Variants in RCN2 observed in about 807,000 individuals in gnomAD.
The protein encoded by RCN2 is reticulocalbin-2.
RCN2 carries 23 observed loss-of-function variants against 37.5 expected under a neutral mutation model. That is an observed-to-expected ratio of 0.61 (90% CI 0.44 to 0.87). RCN2 has a LOEUF of 0.87. Among genes scored for constraint, RCN2 ranks in the 40% least tolerant of loss-of-function variants. The pLI, the probability that RCN2 is intolerant of heterozygous loss-of-function variation, is 0.00. For synonymous variants in RCN2, 140 were observed against 144.6 expected, an observed-to-expected ratio of 0.97 and a Z score of 0.23; for missense variants, 381 against 390.4, an observed-to-expected ratio of 0.98 and a Z score of 0.20.
In RCN2 at chr15:76,950,999, C is replaced by G. The variant is rs976276694; in HGVS notation, c.*1777C>G. The G allele has an allele frequency of 3.3e-5, 5 of 152,184 alleles. No individual in the cohort carries two copies. Among genetic ancestry groups the G allele is most frequent in the Admixed American group, 6.5e-5 (1 of 15,282 alleles). 9.4% of individuals were successfully genotyped at this position (152,184 alleles called of 1,614,324 possible). ...ACCTACACTATATGTCTGGCTATAG[C>G]AGTTTTAGAATTACAGATTTACCAC... On this transcript the variant is annotated 3_prime_UTR_variant, in exon 7 of 7. Transcript: ENST00000394885.
chr15:76,940,056 A>G (rs893927169), intron 3 of RCN2, among the ~76,000 whole-genome samples: 1 of 152,210 alleles, frequency 6.6e-6, no homozygotes, highest in Non-Finnish European at 1.5e-5. Flanking sequence ...TTAACAGCCT[A>G]AAGGAATAGA....
At chr15:76,941,355 T>C (rs1479043452) in intron 3 of RCN2, 3 of 246,120 alleles carry the variant, frequency 1.2e-5, no homozygotes, top group East Asian at 7.7e-5. Context: ...ATGTAAGATA[T>C]AACCTTGCAT....
rs763711301 is a variant in RCN2, at chr15:76,947,555, T to C, written c.658+38T>C. 11 of 1,305,890 alleles carry C rather than the reference T, an allele frequency of 8.4e-6. No individual in the cohort carries two copies. In the African/African-American group the frequency reaches 1.2e-4, roughly 14 times the overall value. The allele number at this position is 1,305,890 out of a possible 1,614,324, so 80.9% of individuals were successfully genotyped here. A position where few individuals can be genotyped will look rare whatever the true frequency, so the allele number is the denominator to read the frequency against. On this transcript the variant is annotated intron_variant, in intron 5 of 6. Coordinates refer to ENST00000394885, the MANE Select transcript of RCN2 (RefSeq NM_002902.3). The stretch of plus-strand genomic sequence containing the variant: ...GGAGAATGTGAAAAGAGAAAAGGAA[T>C]TGAAGAAAGACATTGAAAGACAGCC...
At chr15:76,932,261 C>T in intron 1 of RCN2, 100 bp from the exon 2 acceptor site, 3 of 954,996 alleles carry the variant, frequency 3.1e-6, no homozygotes, top group South Asian at 1.4e-5. Context: ...CACCCCGAAA[C>T]CCTTTGGCAA....
chr15:76,941,441 T>G, intron 3 of RCN2: 2 of 418,024 alleles, frequency 4.8e-6, no homozygotes, highest in Non-Finnish European at 8.5e-6. Flanking sequence ...TGTAGAATCA[T>G]TAGTCTACCA....
chr15:76,943,956 G>T, intron 4 of RCN2, 85 bp downstream of exon 4: 1 of 481,530 alleles, frequency 2.1e-6, no homozygotes, highest in Non-Finnish European at 3.8e-6. Flanking sequence ...GTACATAGTA[G>T]GTATATATGT....
chr15:76,935,298 A>G (rs1156809417), intron 2 of RCN2, among the ~76,000 whole-genome samples: 2 of 152,196 alleles, frequency 1.3e-5, no homozygotes, highest in East Asian at 1.9e-4. Context: ...ACACTCCAGC[A>G]TGGGTGAAAG....
At chr15:76,941,547 C>T in intron 3 of RCN2, 3 of 609,392 alleles carry the variant, frequency 4.9e-6, no homozygotes, top group East Asian at 5.9e-5. Flanking sequence ...ACTTTTTACC[C>T]TCTACTAGAA....
At chr15:76,940,580 G>A (rs544535739) in intron 3 of RCN2, among the ~76,000 whole-genome samples, 3 of 132,568 alleles carry the variant, frequency 2.3e-5, no homozygotes, top group Admixed American at 9.1e-5. Flanking sequence ...AGGGAGTGTC[G>A]CTCTGTCACC....
rs1568463708 is a variant in RCN2 at position 76,953,761 on chromosome 15, CCG to C, written c.*4541_*4542del. 1.2e-4 allele frequency: 5 copies of C among 40,048 alleles called. No individual in the cohort carries two copies. Among genetic ancestry groups the C allele is most frequent in the Admixed American group, 3.7e-4 (1 of 2,678 alleles). 2.5% of individuals were successfully genotyped at this position (40,048 alleles called of 1,614,324 possible). ...TAGCTGGGACTATAGGCGCCTGCCA[CCG>C]CACCCGGCTAATTTTTTGTATTTTT... is the stretch of plus-strand genomic sequence containing the variant. On this transcript the variant is annotated 3_prime_UTR_variant, in exon 7 of 7. Coordinates refer to ENST00000394885, the MANE Select transcript of RCN2 (RefSeq NM_002902.3).
At chr15:76,934,149 GT>G (rs372340181) in intron 2 of RCN2, among the ~76,000 whole-genome samples, 38 of 144,622 alleles carry the variant, frequency 2.6e-4, no homozygotes, top group Admixed American at 5.5e-4. Context: ...ATAGTTTTTT[GT>G]TTTTTTTTTT....
chr15:76,938,672 C>T, intron 3 of RCN2: 1 of 446,318 alleles, frequency 2.2e-6, no homozygotes, highest in Admixed American at 2.4e-5. Context: ...GCCGCTTGAA[C>T]TCTGTAAGCC....
chr15:76,945,176 T>G lies in RCN2; in HGVS notation c.561+1305T>G, dbSNP rs2075292085. On this transcript the variant is annotated intron_variant, in intron 4 of 6. Coordinates refer to ENST00000394885, the MANE Select transcript of RCN2 (RefSeq NM_002902.3). ...GGGAGAAGGTGAAAGACTGAATTTT[T>G]AAATCTCTGTACTATGTATGAACAG... Among the ~76,000 whole-genome samples, 6 of 152,250 alleles carry G rather than the reference T, an allele frequency of 3.9e-5. No homozygotes were observed. The South Asian group carries it at 1.0e-3, about 26-fold the overall frequency.
At chr15:76,936,471 G>A (rs1002531641) in intron 3 of RCN2, among the ~76,000 whole-genome samples, 5 of 151,996 alleles carry the variant, frequency 3.3e-5, no homozygotes, top group Admixed American at 6.6e-5. Context: ...AGTGCGCAAC[G>A]AAGATCCCTC....
intron 6 of RCN2, 96 bp from the exon 7 acceptor site, chr15:76,948,974 C>T (rs2075307656): frequency 1.8e-6 from 2 of 1,117,248 alleles, no homozygotes; most frequent in South Asian, 1.6e-5. Context: ...AGTACTTGTA[C>T]ACCTGGATGA....
At chr15:76,945,276 A>G (rs1005958109) in intron 4 of RCN2, among the ~76,000 whole-genome samples, 3 of 151,768 alleles carry the variant, frequency 2.0e-5, no homozygotes, top group Non-Finnish European at 2.9e-5. Context: ...TAGCTTTCAG[A>G]TTTTTTTTGG....
Position 76,953,575 on chromosome 15 carries a change from A to G in RCN2, c.*4353A>G, listed in dbSNP as rs866676050. On this transcript the variant is annotated 3_prime_UTR_variant, in exon 7 of 7. Transcript: ENST00000394885. ...TAATTCTATATATATATATATATAT[A>G]TATATATATATATATATATTTTTTT... 1 of 17,638 alleles carries G rather than the reference A, an allele frequency of 5.7e-5. No homozygotes were observed. Among genetic ancestry groups the G allele is most frequent in the Non-Finnish European group, 1.1e-4 (1 of 8,998 alleles). The allele number at this position is 17,638 out of a possible 1,614,324, so 1.1% of individuals were successfully genotyped here.
intron 3 of RCN2, among the ~76,000 whole-genome samples, chr15:76,939,809 G>T (rs1407921062): frequency 2.0e-5 from 3 of 152,102 alleles, no homozygotes; most frequent in Admixed American, 6.5e-5. Context: ...TTACTCAAAA[G>T]ACTTAATTAC....
intron 3 of RCN2, among the ~76,000 whole-genome samples, chr15:76,938,487 G>A (rs1362015512): frequency 1.3e-5 from 2 of 152,090 alleles, no homozygotes; most frequent in African/African-American, 2.4e-5. Context: ...ATTTACTATT[G>A]TAACCATTTT....
Sources: allele counts gnomAD v4.1 joint callset (sites outside exome capture counted in the v4.1 genomes callset), GRCh38; gene constraint gnomAD v4.1.1; transcripts MANE v1.5; gene names NCBI Gene and HGNC (gene_info 2026-07-23, HGNC 2026-07-21).